The following TMPRSS15 variants were observed in gnomAD, a reference collection of about 807,000 sequenced individuals.
TMPRSS15 encodes the protein transmembrane serine protease 15.
TMPRSS15 carries 128 observed loss-of-function variants against 125.3 expected under a neutral mutation model. That is an observed-to-expected ratio of 1.02 (90% CI 0.89 to 1.18). The LOEUF (loss-of-function observed/expected upper bound fraction) is 1.18. Among genes scored for constraint, TMPRSS15 ranks in the 50% most tolerant of loss-of-function variants. TMPRSS15 has a pLI of 0.00. For synonymous variants in TMPRSS15, 446 were observed against 423.2 expected, an observed-to-expected ratio of 1.05 and a Z score of -0.66; for missense variants, 1,283 against 1,212.7, an observed-to-expected ratio of 1.06 and a Z score of -0.86.
chr21:18,412,509 G>T (rs2076168546), intron 1 of TMPRSS15, among the ~76,000 whole-genome samples: 2 of 152,190 alleles, frequency 1.3e-5, no homozygotes, highest in African/African-American at 4.8e-5. Context: ...GTAAAAATTT[G>T]CATTTCATGT....
At chr21:18,314,034 C>T (rs142155667) in intron 17 of TMPRSS15, among the ~76,000 whole-genome samples, 113 of 152,234 alleles carry the variant, frequency 7.4e-4, no homozygotes, top group East Asian at 2.5e-3. Flanking sequence ...AAGCTAAGCG[C>T]GTTCATCAAG....
At chr21:18,284,650 G>T (rs1222982486) in intron 21 of TMPRSS15, among the ~76,000 whole-genome samples, 1 of 152,140 alleles carries the variant, frequency 6.6e-6, no homozygotes, top group Non-Finnish European at 1.5e-5. Context: ...AAGATAGATG[G>T]GCATAGGAGA....
intron 1 of TMPRSS15, among the ~76,000 whole-genome samples, chr21:18,416,264 T>C (rs943738171): frequency 6.6e-6 from 1 of 151,964 alleles, no homozygotes; most frequent in Non-Finnish European, 1.5e-5. Flanking sequence ...AAAATCCTAA[T>C]GGTGTTTTTT....
intron 24 of TMPRSS15, among the ~76,000 whole-genome samples, chr21:18,274,435 T>C (rs2074596475): frequency 6.6e-6 from 1 of 152,222 alleles, no homozygotes; most frequent in African/African-American, 2.4e-5. Context: ...TTGGATTTCA[T>C]GGCGCTAATA....
At chr21:18,312,801 C>G in intron 18 of TMPRSS15, 144 bp downstream of exon 18, 1 of 1,087,404 alleles carries the variant, frequency 9.2e-7, no homozygotes, top group South Asian at 1.5e-5. Context: ...TGGGGTTAAT[C>G]AAGATTTTTA....
At chr21:18,433,537 A>G (rs963168631) in intron 1 of TMPRSS15, among the ~76,000 whole-genome samples, 10 of 151,922 alleles carry the variant, frequency 6.6e-5, no homozygotes, top group Non-Finnish European at 1.5e-5. Context: ...TAGAAAAAAT[A>G]CAAAAGAATT....
At chr21:18,484,975 T>C (rs1028590640) in intron 1 of TMPRSS15, among the ~76,000 whole-genome samples, 2 of 151,896 alleles carry the variant, frequency 1.3e-5, no homozygotes, top group Non-Finnish European at 2.9e-5. Flanking sequence ...AAAAATCAGA[T>C]TGGGTAGAAC....
chr21:18,446,385 A>G lies in TMPRSS15; in HGVS notation c.10+39414T>C, dbSNP rs569029225. On this transcript the variant is annotated intron_variant, in intron 1 of 7. Coordinates refer to the TMPRSS15 transcript ENST00000422787. ...AAAAATAACAATACTACTCAAAGCA[A>G]TACACAGATTCAATGCAATCCCTAT... is the stretch of plus-strand genomic sequence containing the variant. 1.4e-4 allele frequency among the ~76,000 whole-genome samples: 22 copies of G among 152,282 alleles called. No individual in the cohort carries two copies. The East Asian group carries it at 1.5e-3, about 11-fold the overall frequency.
chr21:18,479,289 G>A lies in TMPRSS15; in HGVS notation c.10+6510C>T, dbSNP rs915676413. 2.0e-5 allele frequency among the ~76,000 whole-genome samples: 3 copies of A among 151,926 alleles called. No homozygotes were observed. The South Asian group carries it at 6.2e-4, about 32-fold the overall frequency. On this transcript the variant is annotated intron_variant, in intron 1 of 7. Coordinates refer to the TMPRSS15 transcript ENST00000422787. ...CAAATACATACATTCATAAACAAAT[G>A]CATATACACTAATTTTAATGTCAAA...
intron 1 of TMPRSS15, among the ~76,000 whole-genome samples, chr21:18,439,710 T>C (rs1194316322): frequency 6.6e-6 from 1 of 152,162 alleles, no homozygotes; most frequent in Admixed American, 6.5e-5. Context: ...AGGTATAAAT[T>C]AAATTGGATT....
At chr21:18,386,373 G>A (rs2075944022) in intron 3 of TMPRSS15, among the ~76,000 whole-genome samples, 1 of 151,950 alleles carries the variant, frequency 6.6e-6, no homozygotes, top group Non-Finnish European at 1.5e-5. Flanking sequence ...ATTCTATTCT[G>A]AACTATTTAT....
intron 1 of TMPRSS15, among the ~76,000 whole-genome samples, chr21:18,475,489 GTCCGAGGTGGGAGGA>G (rs1601476496): frequency 6.6e-6 from 1 of 150,764 alleles, no homozygotes; most frequent in East Asian, 1.9e-4. Flanking sequence ...CTACTCAGTA[GTCCGAGGTGGGAGGA>G]TCACTTGAAC....
rs1308069695 is a variant in TMPRSS15, at chr21:18,332,108, T to C, written c.1630A>G (p.Asn544Asp). 1.9e-6 allele frequency: 3 copies of C among 1,613,948 alleles called. No individual in the cohort carries two copies. The highest frequency in any genetic ancestry group is 4.5e-5 in the East Asian group (2 of 44,878). ...CAGAAAGCCAGATTAGGGTAGCTGT[T>C]TGGAAAGTTCGTAGAACTGAATGTT... ...NTTFSSTNFP[N>D]SYPNLAFCVW... is the part of the protein sequence containing the mutation. Residue 544 changes from asparagine (N) to aspartate (D), a missense_variant, in exon 14 of 25, where the codon AAC becomes GAC. Asn to Asp is a conservative substitution (Grantham distance 23). Transcript: ENST00000284885.
intron 1 of TMPRSS15, among the ~76,000 whole-genome samples, chr21:18,454,541 C>T (rs897539415): frequency 4.5e-4 from 68 of 152,038 alleles, no homozygotes; most frequent in Non-Finnish European, 1.2e-4. Flanking sequence ...ATAATTCATT[C>T]TGAGTACAAA....
intron 1 of TMPRSS15, among the ~76,000 whole-genome samples, chr21:18,434,198 C>A (rs2123217400): frequency 6.6e-6 from 1 of 152,240 alleles, no homozygotes; most frequent in South Asian, 2.1e-4. Flanking sequence ...GAAGACTCAC[C>A]ATAATCTATA....
intron 21 of TMPRSS15, among the ~76,000 whole-genome samples, chr21:18,289,871 T>C (rs1457482368): frequency 6.6e-6 from 1 of 152,204 alleles, no homozygotes; most frequent in African/African-American, 2.4e-5. Context: ...TTTGGGTGAT[T>C]GGAATGTTTT....
At chr21:18,405,963 A>G (rs1157845342), upstream of TMPRSS15, among the ~76,000 whole-genome samples, 1 of 152,202 alleles carries the variant, frequency 6.6e-6, no homozygotes, top group Non-Finnish European at 1.5e-5. Context: ...CCTAAGCCAC[A>G]GACTTGTGTT....
intron 16 of TMPRSS15, among the ~76,000 whole-genome samples, chr21:18,324,674 T>A (rs934246746): frequency 1.3e-5 from 2 of 152,160 alleles, no homozygotes; most frequent in African/African-American, 4.8e-5. Flanking sequence ...TTTGTGTTTT[T>A]CTGTCAACTA....
chr21:18,364,507 TC>T, intron 7 of TMPRSS15, among the ~76,000 whole-genome samples: 1 of 152,268 alleles, frequency 6.6e-6, no homozygotes, highest in African/African-American at 2.4e-5. Flanking sequence ...CCTTGGAATA[TC>T]CGGAAGGAAC....
Sources: gnomAD v4.1 joint callset for allele counts (sites outside exome capture counted in the v4.1 genomes callset) on GRCh38, gnomAD v4.1.1 for gene constraint, MANE v1.5 for transcripts, NCBI Gene and HGNC (gene_info 2026-07-23, HGNC 2026-07-21) for gene names.